Variants in C3orf49 observed in about 807,000 individuals in gnomAD.
C3orf49 encodes the protein putative uncharacterized protein C3orf49.
A neutral mutation model predicts 13.3 loss-of-function variants in C3orf49; 27 were observed. The ratio of observed to expected loss-of-function variants is 2.02; its 90% CI spans 1.49 to 2.79. The LOEUF is 2.79. C3orf49 is among the 30% of genes most tolerant of loss of function. C3orf49 has a pLI of 0.00. For missense variants in C3orf49, 242 were observed against 134.2 expected, an observed-to-expected ratio of 1.80 and a Z score of -3.97; for synonymous variants, 87 against 47.6, an observed-to-expected ratio of 1.83 and a Z score of -3.40.
chr3:63,804,443 T>A, the C3orf49 span, among the ~76,000 whole-genome samples: 1 of 152,178 alleles, frequency 6.6e-6, no homozygotes, highest in African/African-American at 2.4e-5. Flanking sequence ...GTCACATTGA[T>A]CCTTCAGTCT....
chr3:63,789,551 C>T, the C3orf49 span, among the ~76,000 whole-genome samples: 1 of 152,086 alleles, frequency 6.6e-6, no homozygotes, highest in Admixed American at 6.5e-5. Context: ...TAGCTCACGC[C>T]TGTAATCCCA....
chr3:63,816,454 T>C (rs1701325112), upstream of C3orf49, among the ~76,000 whole-genome samples: 1 of 151,942 alleles, frequency 6.6e-6, no homozygotes, highest in African/African-American at 2.4e-5. Flanking sequence ...TAGCTGGGCG[T>C]GGTGGCACGT....
At chr3:63,838,232 T>C (rs188943046) in intron 5 of C3orf49, 5 of 906,310 alleles carry the variant, frequency 5.5e-6, no homozygotes, top group African/African-American at 5.1e-5. Flanking sequence ...ACATTTTTTA[T>C]AGCTAACATT....
intron 5 of C3orf49, among the ~76,000 whole-genome samples, chr3:63,843,034 T>A (rs527388726): frequency 6.6e-6 from 1 of 152,190 alleles, no homozygotes; most frequent in South Asian, 2.1e-4. Context: ...GTGATCCACA[T>A]GCCTCAACCT....
chr3:63,787,182 T>G, the C3orf49 span: 2 of 152,224 alleles, frequency 1.3e-5, no homozygotes, highest in Non-Finnish European at 2.9e-5. Flanking sequence ...TTTCCATATA[T>G]GTAAATGAGA....
At chr3:63,831,618 C>T (rs944805805) in intron 4 of C3orf49, 62 bp from the exon 5 acceptor site, 1 of 678,030 alleles carries the variant, frequency 1.5e-6, no homozygotes, top group African/African-American at 1.8e-5. Flanking sequence ...AGCAACTATC[C>T]CTTTGATTTT....
chr3:63,823,670 T>C (rs1463052895), intron 2 of C3orf49, 101 bp downstream of exon 2: 25 of 608,766 alleles, frequency 4.1e-5, no homozygotes, highest in Admixed American at 1.7e-4. Flanking sequence ...CCTGAGGAGC[T>C]TGTCTGAAAT....
chr3:63,803,868 A>G, the C3orf49 span, among the ~76,000 whole-genome samples: 4 of 152,102 alleles, frequency 2.6e-5, no homozygotes, highest in Admixed American at 1.3e-4. Flanking sequence ...AATATATAAT[A>G]CAATTATTAT....
chr3:63,783,812 T>A, the C3orf49 span, among the ~76,000 whole-genome samples: 1 of 152,152 alleles, frequency 6.6e-6, no homozygotes, highest in Admixed American at 6.5e-5. Context: ...GGATGAGATC[T>A]GCAGCACTAA....
In C3orf49 at chr3:63,845,064, T is replaced by C. The variant is rs745497863; in HGVS notation, c.*12T>C. The C allele has an allele frequency of 2.6e-5, 18 of 699,526 alleles. No individual in the cohort carries two copies. Among genetic ancestry groups the C allele is most frequent in the Admixed American group, 2.0e-4 (10 of 49,544 alleles). The allele number at this position is 699,526 out of a possible 1,614,324, so 43.3% of individuals were successfully genotyped here. On this transcript the variant is annotated 3_prime_UTR_variant, in exon 6 of 7. Coordinates refer to ENST00000295896, the MANE Select transcript of C3orf49 (RefSeq NM_001355236.2). Reference sequence around the variant, plus strand: ...CTGGAGACAGCTGACCTGAGACTCCTTGAGGAACACAGGAAAAGGTGATGC... The same window carrying C: ...CTGGAGACAGCTGACCTGAGACTCCCTGAGGAACACAGGAAAAGGTGATGC...
the C3orf49 span, among the ~76,000 whole-genome samples, chr3:63,794,606 T>A: frequency 6.6e-6 from 1 of 152,176 alleles, no homozygotes; most frequent in Non-Finnish European, 1.5e-5. Flanking sequence ...TCATTCTCAC[T>A]TCACCAAATG....
chr3:63,784,403 A>G, the C3orf49 span, among the ~76,000 whole-genome samples: 5 of 152,220 alleles, frequency 3.3e-5, no homozygotes, highest in African/African-American at 1.2e-4. Context: ...CATTATTCCC[A>G]GAGTGATTTA....
chr3:63,838,853 A>G (rs557992074), intron 5 of C3orf49, among the ~76,000 whole-genome samples: 1 of 152,304 alleles, frequency 6.6e-6, no homozygotes, highest in South Asian at 2.1e-4. Context: ...AATTATTTAT[A>G]TGGAAAGCAA....
the C3orf49 span, among the ~76,000 whole-genome samples, chr3:63,811,381 A>G: frequency 2.0e-5 from 3 of 151,864 alleles, no homozygotes; most frequent in African/African-American, 7.3e-5. Flanking sequence ...ACACAGTGAA[A>G]CCCCATCTAT....
chr3:63,802,620 A>C, the C3orf49 span, among the ~76,000 whole-genome samples: 1 of 152,162 alleles, frequency 6.6e-6, no homozygotes, highest in Non-Finnish European at 1.5e-5. Context: ...TAAATATTGA[A>C]GTATAAGTAT....
chr3:63,845,478 G>A (rs190560931), intron 6 of C3orf49, among the ~76,000 whole-genome samples: 236 of 152,300 alleles, frequency 1.5e-3, no homozygotes, highest in Non-Finnish European at 2.2e-3. Context: ...GGAAATGTGC[G>A]TTACACTCTC....
At chr3:63,828,096 C>T (rs763871823) in intron 3 of C3orf49, among the ~76,000 whole-genome samples, 1 of 152,212 alleles carries the variant, frequency 6.6e-6, no homozygotes, top group Non-Finnish European at 1.5e-5. Context: ...TATGCATTGT[C>T]CAATATAGTA....
At chr3:63,781,264 T>G in the C3orf49 span, among the ~76,000 whole-genome samples, 1 of 151,374 alleles carries the variant, frequency 6.6e-6, no homozygotes, top group Non-Finnish European at 1.5e-5. Context: ...CCCCATTGCT[T>G]GTTTTTCTCA....
At chr3:63,829,968 A>AAT (rs1476618910) in intron 3 of C3orf49, among the ~76,000 whole-genome samples, 2 of 152,164 alleles carry the variant, frequency 1.3e-5, no homozygotes, top group Non-Finnish European at 2.9e-5. Context: ...CTCATCTTAA[A>AAT]ATATATATAT....
Sources: allele counts gnomAD v4.1 joint callset (sites outside exome capture counted in the v4.1 genomes callset), GRCh38; gene constraint gnomAD v4.1.1; transcripts MANE v1.5; gene names NCBI Gene and HGNC (gene_info 2026-07-23, HGNC 2026-07-21).